VAV2: variants seen among roughly 807,000 people sequenced by gnomAD.
VAV2 encodes vav guanine nucleotide exchange factor 2.
A neutral mutation model predicts 132.5 loss-of-function variants in VAV2; 67 were observed. The observed-to-expected ratio is 0.51, with a 90% CI of 0.42 to 0.62. VAV2 has a LOEUF of 0.62. Among genes scored for constraint, VAV2 ranks in the 20% least tolerant of loss-of-function variants. The pLI is 0.00. For missense variants in VAV2, 938 were observed against 1,153.6 expected (o/e 0.81, Z 2.71); for synonymous variants, 492 against 443.5 (o/e 1.11, Z -1.37).
chr9:133,862,919 G>A (rs1044818035), intron 2 of VAV2, among the ~76,000 whole-genome samples: 4 of 152,324 alleles, frequency 2.6e-5, no homozygotes, highest in Non-Finnish European at 5.9e-5. Context: ...AGGAGGCGGC[G>A]GCTGAGTGCT....
chr9:133,830,050 C>T (rs547467924), intron 4 of VAV2, among the ~76,000 whole-genome samples: 1 of 152,314 alleles, frequency 6.6e-6, no homozygotes, highest in East Asian at 1.9e-4. Flanking sequence ...TGAAAGCACA[C>T]AGGCACTCAC....
chr9:133,824,141 A>G lies in VAV2; in HGVS notation c.449+10131T>C, dbSNP rs1445796828. Among the ~76,000 whole-genome samples the G allele has an allele frequency of 1.3e-5, 2 of 152,072 alleles. No homozygotes were observed. The highest frequency in any genetic ancestry group is 2.9e-5 in the Non-Finnish European group (2 of 67,992). ...GGGTCCCTGAAAGTGTGGGGCTCTC[A>G]TCCCAACGAGCTGCGGTCTCCACAG... On this transcript the variant is annotated intron_variant, in intron 4 of 29. Transcript: ENST00000371850. This position sits in a 1 kb window ranked among gnomAD's most constrained non-coding sequence, Gnocchi z 5.2.
At chr9:133,903,347 G>C (rs1252087000) in intron 2 of VAV2, among the ~76,000 whole-genome samples, 1 of 152,130 alleles carries the variant, frequency 6.6e-6, no homozygotes, top group Non-Finnish European at 1.5e-5. Flanking sequence ...ACCCCACGCT[G>C]GGTGGTGCTC....
chr9:133,839,085 T>C (rs140746587), intron 3 of VAV2, among the ~76,000 whole-genome samples: 1 of 151,342 alleles, frequency 6.6e-6, no homozygotes, highest in African/African-American at 2.4e-5. Flanking sequence ...GATGAATGGC[T>C]AGGTGGGTGC....
At chr9:133,893,738 C>T (rs911530721) in intron 2 of VAV2, among the ~76,000 whole-genome samples, 3 of 152,294 alleles carry the variant, frequency 2.0e-5, no homozygotes, top group Non-Finnish European at 2.9e-5. Context: ...GGTGGCGGGA[C>T]GGTGATTCCA....
intron 1 of VAV2, among the ~76,000 whole-genome samples, chr9:133,987,270 G>C (rs1393073251): frequency 1.3e-5 from 2 of 152,042 alleles, no homozygotes; most frequent in African/African-American, 2.4e-5. Flanking sequence ...ATGAAACAAA[G>C]AGTTTCATTA....
At position 133,828,474 on chromosome 9, in the gene VAV2, C is replaced by T. The variant is rs112182740; in HGVS notation, c.449+5798G>A. Among the ~76,000 whole-genome samples the T allele has an allele frequency of 6.6e-4, 76 of 115,880 alleles. 4 individuals carry two copies. Among genetic ancestry groups the T allele is most frequent in the Middle Eastern group, 4.4e-3 (1 of 226 alleles). 76.0% of individuals were successfully genotyped at this position (115,880 alleles called of 152,430 possible). ...CCACGGGCATCGCCAGCTACCGCTG[C>T]GCCCACTGGGGCTGACCACTGAGCA... On this transcript the variant is annotated intron_variant, in intron 4 of 29. Coordinates refer to ENST00000371850, the MANE Select transcript of VAV2 (RefSeq NM_001134398.2).
intron 1 of VAV2, among the ~76,000 whole-genome samples, chr9:133,981,510 T>A (rs1842692795): frequency 1.3e-5 from 2 of 152,172 alleles, no homozygotes. Context: ...TGCCCTTCAC[T>A]GGGAGTGAGC....
At chr9:133,859,000 C>T (rs117282326) in intron 3 of VAV2, among the ~76,000 whole-genome samples, 3,032 of 152,332 alleles carry the variant, frequency 0.02, 55 homozygotes, top group Middle Eastern at 0.034. Flanking sequence ...CAGGGCCAAC[C>T]GACTGCTCTG....
At chr9:133,831,292 C>T (rs1836251762) in intron 4 of VAV2, among the ~76,000 whole-genome samples, 3 of 152,028 alleles carry the variant, frequency 2.0e-5, no homozygotes, top group South Asian at 2.1e-4. Context: ...AAAAATTAGC[C>T]GGGCGTGGTG....
chr9:133,768,546 C>A lies in VAV2; in HGVS notation c.2485G>T (p.Ala829Ser). 1 of 1,613,994 alleles carries A rather than the reference C, an allele frequency of 6.2e-7. No individual in the cohort carries two copies. Among genetic ancestry groups the A allele is most frequent in the Non-Finnish European group, 8.5e-7 (1 of 1,179,978 alleles). ...GTAVARYNFA[A>S]RDMRELSLRE... is the part of the protein sequence containing the mutation. ...AGCGAAAGCTCCCTCATATCTCGGG[C>A]GGCAAAGTTATACCTGGCCACAGCT... Residue 829 changes from alanine to serine, a missense_variant, in exon 29 of 30, where the codon GCC becomes TCC. Ala to Ser is a moderately conservative substitution (Grantham distance 99). Transcript: ENST00000371850. This position sits in a 1 kb window ranked among gnomAD's most constrained non-coding sequence, Gnocchi z 5.3.
chr9:133,974,482 C>T (rs1371134255), intron 1 of VAV2, among the ~76,000 whole-genome samples: 3 of 152,146 alleles, frequency 2.0e-5, no homozygotes, highest in South Asian at 2.1e-4. Flanking sequence ...CCTGCTTTTG[C>T]GCTGGGCCAA....
chr9:133,905,857 C>T (rs546072620), intron 2 of VAV2, among the ~76,000 whole-genome samples: 4 of 138,130 alleles, frequency 2.9e-5, no homozygotes, highest in South Asian at 4.7e-4. Flanking sequence ...GGTAACGTGG[C>T]GAAACCCCAT....
At chr9:133,779,154 A>G (rs1390646729) in intron 21 of VAV2, among the ~76,000 whole-genome samples, 1 of 152,204 alleles carries the variant, frequency 6.6e-6, no homozygotes. Context: ...TCTTCCAAAC[A>G]CCCTTCAGAT....
chr9:133,947,660 T>C (rs200658008), intron 1 of VAV2, among the ~76,000 whole-genome samples: 42 of 147,588 alleles, frequency 2.8e-4, no homozygotes, highest in African/African-American at 8.9e-4. Context: ...GATCATGCCA[T>C]TGCACTCCAG....
Position 133,884,061 on chromosome 9 carries a change from GGAGGCGGAGGTTGCAGC to G in VAV2, c.322-22646_322-22630del, listed in dbSNP as rs370425720. Among the ~76,000 whole-genome samples, 1,204 of 152,198 alleles carry G rather than the reference GGAGGCGGAGGTTGCAGC, an allele frequency of 7.9e-3. 17 individuals are homozygous for G. Among genetic ancestry groups the G allele is most frequent in the African/African-American group, 0.028 (1,146 of 41,504 alleles). On this transcript the variant is annotated intron_variant, in intron 2 of 29. Coordinates refer to ENST00000371850, the MANE Select transcript of VAV2 (RefSeq NM_001134398.2). This position sits in a 1 kb window ranked among gnomAD's most constrained non-coding sequence, Gnocchi z 5.3. ...GAGGCAGGGGAATCACTTGAACCCG[GGAGGCGGAGGTTGCAGC>G]GAGGCGGAGGTTGCAGTGAGCTGAG...
intron 2 of VAV2, among the ~76,000 whole-genome samples, chr9:133,887,935 C>T (rs1838779067): frequency 6.6e-6 from 1 of 152,210 alleles, no homozygotes; most frequent in Non-Finnish European, 1.5e-5. Context: ...TAGAGCAACG[C>T]AGCGTCCACA....
At chr9:133,773,872 C>G (rs1040120391) in intron 25 of VAV2, among the ~76,000 whole-genome samples, 1 of 152,178 alleles carries the variant, frequency 6.6e-6, no homozygotes, top group Non-Finnish European at 1.5e-5. Context: ...TTGTCCTATG[C>G]TTCTATATGA....
intron 22 of VAV2, among the ~76,000 whole-genome samples, chr9:133,778,347 G>A (rs965474408): frequency 6.6e-6 from 1 of 152,170 alleles, no homozygotes; most frequent in Non-Finnish European, 1.5e-5. Flanking sequence ...TCATGCGAAG[G>A]TTGCTGGCCT....
Sources: gnomAD v4.1 joint callset for allele counts (sites outside exome capture counted in the v4.1 genomes callset) on GRCh38, gnomAD v4.1.1 for gene constraint, Gnocchi (gnomAD v3.1) non-coding constraint, MANE v1.5 for transcripts, NCBI Gene and HGNC (gene_info 2026-07-23, HGNC 2026-07-21) for gene names.